The following CFAP300 variants were observed in gnomAD, a reference collection of about 807,000 sequenced individuals.
The protein encoded by CFAP300 is cilia- and flagella-associated protein 300.
CFAP300 carries 32 observed loss-of-function variants against 33.0 expected under a neutral mutation model. The ratio of observed to expected loss-of-function variants is 0.97; its 90% CI spans 0.73 to 1.30. The LOEUF (loss-of-function observed/expected upper bound fraction) is 1.30. Among genes scored for constraint, CFAP300 ranks in the 50% most tolerant of loss-of-function variants. The pLI is 0.00. For synonymous variants in CFAP300, 102 were observed against 106.8 expected (o/e 0.95, Z 0.28); for missense variants, 356 against 318.1 (o/e 1.12, Z -0.90).
intron 3 of CFAP300, among the ~76,000 whole-genome samples, chr11:102,060,730 TG>T (rs1942138361): frequency 6.6e-6 from 1 of 152,214 alleles, no homozygotes; most frequent in African/African-American, 2.4e-5. Flanking sequence ...AGATTTTTTT[TG>T]TTTAGGGGTG....
chr11:102,047,709 C>A, intron 1 of CFAP300, 106 bp from the exon 2 acceptor site: 1 of 1,475,514 alleles, frequency 6.8e-7, no homozygotes, highest in Non-Finnish European at 9.2e-7. Flanking sequence ...CCTGAGTGAA[C>A]CCCGAACCAC....
chr11:102,054,213 A>G (rs1011448996), intron 2 of CFAP300, among the ~76,000 whole-genome samples: 1 of 152,208 alleles, frequency 6.6e-6, no homozygotes, highest in Non-Finnish European at 1.5e-5. Context: ...TGTTCTTTCT[A>G]TATGAACATT....
chr11:102,073,431 G>A (rs1319333443), intron 4 of CFAP300, among the ~76,000 whole-genome samples: 1 of 152,182 alleles, frequency 6.6e-6, no homozygotes, highest in Non-Finnish European at 1.5e-5. Context: ...CCAGAGTCCT[G>A]GGTGTGCTTG....
chr11:102,076,940 G>T (rs1942403560), intron 5 of CFAP300, among the ~76,000 whole-genome samples: 1 of 152,136 alleles, frequency 6.6e-6, no homozygotes, highest in Non-Finnish European at 1.5e-5. Flanking sequence ...ATTGGAAGAA[G>T]ATATGTTAGA....
chr11:102,082,077 T>C (rs1942482057), intron 6 of CFAP300, among the ~76,000 whole-genome samples: 1 of 151,958 alleles, frequency 6.6e-6, no homozygotes, highest in Admixed American at 6.6e-5. Flanking sequence ...TAAGTCACAG[T>C]GATAAACAAA....
In CFAP300 at chr11:102,083,107, C is replaced by A; in HGVS notation, c.712C>A (p.His238Asn). 7 of 1,544,422 alleles carry A rather than the reference C, an allele frequency of 4.5e-6. No homozygotes were observed. The highest frequency in any genetic ancestry group is 6.1e-6 in the Non-Finnish European group (7 of 1,143,088). ...AGMCYPSAKN[H>N]EQTFSYFIVD... ...TATGTGCTATCCTTCAGCAAAGAAT[C>A]ATGAACAGACATTTTCTTACTTTAT... Residue 238 changes from histidine to asparagine, a missense_variant, in exon 7 of 7, where the codon CAT becomes AAT. Coordinates refer to ENST00000434758, the MANE Select transcript of CFAP300 (RefSeq NM_032930.3).
At chr11:102,066,194 C>G (rs977957718) in intron 3 of CFAP300, among the ~76,000 whole-genome samples, 3 of 152,022 alleles carry the variant, frequency 2.0e-5, no homozygotes, top group East Asian at 1.9e-4. Flanking sequence ...AGGCTAGTCT[C>G]GAACTCCTGA....
intron 5 of CFAP300, among the ~76,000 whole-genome samples, chr11:102,080,495 G>A (rs1035362272): frequency 3.3e-5 from 5 of 151,912 alleles, no homozygotes; most frequent in South Asian, 4.2e-4. Flanking sequence ...TTGGCTCATC[G>A]CAACCTCCGC....
chr11:102,058,612 T>C (rs972930531), intron 2 of CFAP300, among the ~76,000 whole-genome samples: 2 of 150,548 alleles, frequency 1.3e-5, no homozygotes, highest in African/African-American at 4.9e-5. Flanking sequence ...TTTCAAATAT[T>C]ATATAACCTC....
rs762071441 is a variant in CFAP300, at chr11:102,047,948, C to G, written c.192+52C>G. 7 of 1,564,354 alleles carry G rather than the reference C, an allele frequency of 4.5e-6. No homozygotes were observed. The African/African-American group carries it at 8.1e-5, about 18-fold the overall frequency. Reference sequence around the variant, plus strand: ...TGGGTCTCTGCGGATTTTTAAACTTCCCCCCAAGTTGGCATAGATTCTTGT... The same window carrying G: ...TGGGTCTCTGCGGATTTTTAAACTTGCCCCCAAGTTGGCATAGATTCTTGT... On this transcript the variant is annotated intron_variant, in intron 2 of 6. Coordinates refer to ENST00000434758, the MANE Select transcript of CFAP300 (RefSeq NM_032930.3).
At chr11:102,077,992 G>A (rs1942421806) in intron 5 of CFAP300, among the ~76,000 whole-genome samples, 1 of 152,116 alleles carries the variant, frequency 6.6e-6, no homozygotes, top group Non-Finnish European at 1.5e-5. Context: ...CTGGGCTCAC[G>A]TAGTCCTCCC....
intron 4 of CFAP300, among the ~76,000 whole-genome samples, chr11:102,073,597 G>T (rs1165909810): frequency 1.3e-5 from 2 of 152,188 alleles, no homozygotes; most frequent in Non-Finnish European, 2.9e-5. Context: ...AGTGGAGAAA[G>T]CTCATCCTGA....
Position 102,081,195 on chromosome 11 carries a change from C to T in CFAP300, c.609-20C>T. On this transcript the variant is annotated intron_variant, in intron 5 of 6. Coordinates refer to ENST00000434758, the MANE Select transcript of CFAP300 (RefSeq NM_032930.3). ...CAATGCCTATTATATGTTAAAAGCA[C>T]CTTTTCTTCCTTTTTTTAGTGTTCG... 1 of 1,583,012 alleles carries T rather than the reference C, an allele frequency of 6.3e-7. No individual in the cohort carries two copies. The highest frequency in any genetic ancestry group is 1.1e-5 in the South Asian group (1 of 87,304).
At chr11:102,072,438 C>G (rs1037138247) in intron 4 of CFAP300, among the ~76,000 whole-genome samples, 2 of 151,602 alleles carry the variant, frequency 1.3e-5, no homozygotes, top group African/African-American at 4.9e-5. Context: ...TCTCACTGAG[C>G]TTCTTTAATA....
At chr11:102,077,290 C>T (rs1260612506) in intron 5 of CFAP300, among the ~76,000 whole-genome samples, 3 of 152,174 alleles carry the variant, frequency 2.0e-5, no homozygotes, top group Non-Finnish European at 4.4e-5. Flanking sequence ...CCCAACATTC[C>T]CTTCTCCAGA....
intron 4 of CFAP300, among the ~76,000 whole-genome samples, chr11:102,075,121 A>C (rs7943740): frequency 0.43 from 64,892 of 152,030 alleles, 14,097 homozygotes; most frequent in East Asian, 0.7. Context: ...AAGAAAAAAT[A>C]AAGTAGGTAG....
intron 3 of CFAP300, among the ~76,000 whole-genome samples, chr11:102,065,161 C>T (rs1942204047): frequency 6.6e-6 from 1 of 152,104 alleles, no homozygotes; most frequent in Non-Finnish European, 1.5e-5. Context: ...GGCTGGAGTG[C>T]AGTGGCGTCA....
At chr11:102,060,311 T>G (rs1158991511) in intron 3 of CFAP300, among the ~76,000 whole-genome samples, 1 of 151,648 alleles carries the variant, frequency 6.6e-6, no homozygotes, top group Non-Finnish European at 1.5e-5. Flanking sequence ...GTGATAGGGT[T>G]TCGCCATGTT....
At chr11:102,074,306 GCCC>G (rs892652525) in intron 4 of CFAP300, among the ~76,000 whole-genome samples, 6 of 152,148 alleles carry the variant, frequency 3.9e-5, no homozygotes, top group African/African-American at 1.4e-4. Context: ...TAGTCTCTGG[GCCC>G]ATGAGGGTTG....
Sources: allele counts gnomAD v4.1 joint callset (sites outside exome capture counted in the v4.1 genomes callset), GRCh38; gene constraint gnomAD v4.1.1; transcripts MANE v1.5; gene names NCBI Gene and HGNC (gene_info 2026-07-23, HGNC 2026-07-21).